POU6F2: variants seen among roughly 807,000 people sequenced by gnomAD.
The protein encoded by POU6F2 is POU domain, class 6, transcription factor 2.
POU6F2 carries 31 observed loss-of-function variants against 71.3 expected under a neutral mutation model. The ratio of observed to expected loss-of-function variants is 0.43; its 90% CI spans 0.33 to 0.59. The LOEUF is 0.59. Ranked by LOEUF, POU6F2 falls within the 20% of genes least tolerant of loss-of-function variation. POU6F2 has a pLI of 0.04. For synonymous variants in POU6F2, 347 were observed against 355.7 expected, an observed-to-expected ratio of 0.98 and a Z score of 0.27; for missense variants, 783 against 856.8, an observed-to-expected ratio of 0.91 and a Z score of 1.07.
chr7:39,005,484 C>CCGTGTGTGTGTGTGTGTGTGTG (rs1554306161), intron 1 of POU6F2, among the ~76,000 whole-genome samples: 4 of 126,610 alleles, frequency 3.2e-5, no homozygotes, highest in Non-Finnish European at 7.0e-5. Context: ...AGGGAGAAAC[C>CCGTGTGTGTGTGTGTGTGTGTG]TGTGTGTGTG....
chr7:39,003,923 G>GA (rs1554305955), intron 1 of POU6F2, among the ~76,000 whole-genome samples: 1 of 151,792 alleles, frequency 6.6e-6, no homozygotes, highest in African/African-American at 2.4e-5. Context: ...TAAAAGTGTA[G>GA]AAAAAAAGAC....
chr7:39,387,016 A>G (rs527341073), intron 5 of POU6F2, among the ~76,000 whole-genome samples: 104 of 152,330 alleles, frequency 6.8e-4, no homozygotes, highest in African/African-American at 2.5e-3. Flanking sequence ...TCTCAGCTGG[A>G]AACACTAGCT....
intron 4 of POU6F2, among the ~76,000 whole-genome samples, chr7:39,316,300 A>G (rs2128767981): frequency 6.6e-6 from 1 of 152,218 alleles, no homozygotes; most frequent in Middle Eastern, 3.4e-3. Flanking sequence ...ACTGGCAGGG[A>G]CTTAGTGTTT....
At position 39,459,068 on chromosome 7, in the gene POU6F2, G is replaced by A. The variant is rs1788879455; in HGVS notation, c.1490-1479G>A. On this transcript the variant is annotated intron_variant, in intron 8 of 9. Transcript: ENST00000518318. ...TAGCATTGGATGCCAACCCCCTATA[G>A]ACTGTAAACTCCATAGAGGCTGGAA... is the stretch of plus-strand genomic sequence containing the variant. Among the ~76,000 whole-genome samples the A allele has an allele frequency of 2.6e-5, 4 of 152,108 alleles. No individual in the cohort carries two copies. The South Asian group carries it at 8.3e-4, about 32-fold the overall frequency.
chr7:39,304,869 T>C (rs1056849081), intron 4 of POU6F2, among the ~76,000 whole-genome samples: 1 of 152,198 alleles, frequency 6.6e-6, no homozygotes, highest in Non-Finnish European at 1.5e-5. Context: ...TGATTAACCA[T>C]AGCCACCAGA....
chr7:39,009,524 T>C (rs1789198657), intron 1 of POU6F2, among the ~76,000 whole-genome samples: 1 of 152,068 alleles, frequency 6.6e-6, no homozygotes, highest in African/African-American at 2.4e-5. Context: ...TTCCTTCTCC[T>C]GCCTAATTGC....
intron 5 of POU6F2, chr7:39,406,304 A>G (rs1787425127): frequency 8.0e-6 from 3 of 373,658 alleles, no homozygotes; most frequent in Non-Finnish European, 1.5e-5. Context: ...TCATTTCTCC[A>G]CCCCAGAAGG....
At chr7:39,075,089 G>A (rs1790971090) in intron 1 of POU6F2, among the ~76,000 whole-genome samples, 1 of 152,146 alleles carries the variant, frequency 6.6e-6, no homozygotes, top group African/African-American at 2.4e-5. Flanking sequence ...GAGGTCGCAG[G>A]TGAGGCTGGC....
intron 5 of POU6F2, among the ~76,000 whole-genome samples, chr7:39,366,227 G>A (rs1260384071): frequency 6.6e-6 from 1 of 152,212 alleles, no homozygotes; most frequent in African/African-American, 2.4e-5. Flanking sequence ...AAGGGAAAGG[G>A]TGTGGTCATT....
intron 2 of POU6F2, among the ~76,000 whole-genome samples, chr7:39,117,544 A>G (rs996298822): frequency 1.3e-5 from 2 of 152,184 alleles, no homozygotes; most frequent in African/African-American, 4.8e-5. Flanking sequence ...ACAGTTCAGC[A>G]AACTTTTGGA....
At chr7:39,350,081 C>T (rs1296686243) in intron 5 of POU6F2, among the ~76,000 whole-genome samples, 1 of 152,210 alleles carries the variant, frequency 6.6e-6, no homozygotes, top group Admixed American at 6.5e-5. Flanking sequence ...CCGATCAATG[C>T]AACCCTTCCA....
chr7:39,223,490 A>G (rs969991236), intron 4 of POU6F2, among the ~76,000 whole-genome samples: 1 of 152,242 alleles, frequency 6.6e-6, no homozygotes, highest in Non-Finnish European at 1.5e-5. Context: ...ACACTGGACA[A>G]CAAATAAAAT....
intron 2 of POU6F2, among the ~76,000 whole-genome samples, chr7:39,189,266 A>G (rs567794492): frequency 6.6e-6 from 1 of 152,250 alleles, no homozygotes; most frequent in Non-Finnish European, 1.5e-5. Context: ...CAGACAAAAA[A>G]CCAACATTGT....
chr7:39,379,809 G>T (rs1786791308), intron 5 of POU6F2, among the ~76,000 whole-genome samples: 1 of 152,146 alleles, frequency 6.6e-6, no homozygotes, highest in Non-Finnish European at 1.5e-5. Context: ...GTTCGCTTGG[G>T]CCAGAGTGTG....
At chr7:39,221,466 C>T (rs992185407) in intron 4 of POU6F2, among the ~76,000 whole-genome samples, 1 of 145,956 alleles carries the variant, frequency 6.9e-6, no homozygotes, top group Admixed American at 7.0e-5. Flanking sequence ...TCTCAGCTCA[C>T]TGCAACCTCC....
At chr7:39,133,746 T>C (rs1026004725) in intron 2 of POU6F2, among the ~76,000 whole-genome samples, 6 of 152,348 alleles carry the variant, frequency 3.9e-5, no homozygotes, top group African/African-American at 1.4e-4. Flanking sequence ...CTGTGCACTG[T>C]ACAATTCACT....
At chr7:39,067,489 A>T (rs1313341418) in intron 1 of POU6F2, among the ~76,000 whole-genome samples, 1 of 152,026 alleles carries the variant, frequency 6.6e-6, no homozygotes, top group African/African-American at 2.4e-5. Flanking sequence ...GGAAATAACA[A>T]ATTCTAGAAA....
chr7:39,281,359 A>G (rs12113417), intron 4 of POU6F2, among the ~76,000 whole-genome samples: 2 of 151,914 alleles, frequency 1.3e-5, no homozygotes, highest in Non-Finnish European at 2.9e-5. Context: ...ATATTGTTAA[A>G]CACAGTTACC....
intron 7 of POU6F2, among the ~76,000 whole-genome samples, chr7:39,434,524 G>C (rs77814135): frequency 6.6e-6 from 1 of 151,866 alleles, no homozygotes; most frequent in Admixed American, 6.6e-5. Flanking sequence ...TAGTTGTGAT[G>C]ATAGTGATGA....
Sources: allele counts gnomAD v4.1 joint callset (sites outside exome capture counted in the v4.1 genomes callset), GRCh38; gene constraint gnomAD v4.1.1; transcripts MANE v1.5; gene names NCBI Gene and HGNC (gene_info 2026-07-23, HGNC 2026-07-21).